The following USH2A variants were observed in gnomAD, a reference collection of about 807,000 sequenced individuals.
USH2A encodes the protein Usher syndrome 2A (autosomal recessive, mild).
In USH2A, 443 loss-of-function variants were observed where a neutral mutation model predicts 538.9. That is an observed-to-expected ratio of 0.82 (90% CI 0.76 to 0.89). The LOEUF (loss-of-function observed/expected upper bound fraction) is 0.89. Ranked by LOEUF, USH2A falls within the 40% of genes least tolerant of loss-of-function variation. The pLI, the probability that USH2A is intolerant of heterozygous loss-of-function variation, is 0.00. For missense variants in USH2A, 6,633 were observed against 6,324.8 expected, an observed-to-expected ratio of 1.05 and a Z score of -1.65; for synonymous variants, 2,413 against 2,273.5, an observed-to-expected ratio of 1.06 and a Z score of -1.75.
At chr1:216,134,697 G>T (rs2033446702) in intron 21 of USH2A, among the ~76,000 whole-genome samples, 1 of 152,090 alleles carries the variant, frequency 6.6e-6, no homozygotes, top group Non-Finnish European at 1.5e-5. Context: ...TTCAGTGTCA[G>T]CATTTAGGGC....
intron 9 of USH2A, among the ~76,000 whole-genome samples, chr1:216,313,254 G>T (rs948076323): frequency 6.6e-6 from 1 of 152,144 alleles, no homozygotes; most frequent in Non-Finnish European, 1.5e-5. Flanking sequence ...AGCTGCTCAC[G>T]TCCTACTATG....
chr1:216,033,198 ACT>A (rs1264914260), intron 32 of USH2A, among the ~76,000 whole-genome samples: 1 of 152,114 alleles, frequency 6.6e-6, no homozygotes, highest in Non-Finnish European at 1.5e-5. Context: ...GAAAAAGGAA[ACT>A]CTGTGGACCA....
chr1:216,193,057 A>C (rs1441542429), intron 19 of USH2A, among the ~76,000 whole-genome samples: 1 of 152,128 alleles, frequency 6.6e-6, no homozygotes, highest in Non-Finnish European at 1.5e-5. Context: ...TTTTATAAAT[A>C]ATATTTCTCA....
intron 3 of USH2A, among the ~76,000 whole-genome samples, chr1:216,407,613 C>T (rs2039417290): frequency 6.6e-6 from 1 of 152,078 alleles, no homozygotes; most frequent in African/African-American, 2.4e-5. Flanking sequence ...AATCTCCATT[C>T]CACTACTGAG....
rs893057896 is a variant in USH2A at position 215,648,473 on chromosome 1, A to G, written c.14582+55T>C. On this transcript the variant is annotated intron_variant, in intron 66 of 71. Coordinates refer to ENST00000307340, the MANE Select transcript of USH2A (RefSeq NM_206933.4). ...GCAGAGTAGGCTATACCATGAGTTC[A>G]TATGTCTGTACACATGCCTTGTTAG... The G allele has an allele frequency of 1.9e-5, 30 of 1,575,458 alleles. No individual in the cohort carries two copies. The African/African-American group carries it at 3.1e-4, about 16-fold the overall frequency.
At chr1:216,114,546 C>T (rs551106678) in intron 21 of USH2A, among the ~76,000 whole-genome samples, 151 of 152,144 alleles carry the variant, frequency 9.9e-4, no homozygotes, top group Non-Finnish European at 1.5e-3. Flanking sequence ...TTTATTCCTC[C>T]TCTTAGCATA....
chr1:215,766,861 C>T, intron 55 of USH2A, 73 bp from the exon 56 acceptor site: 1 of 1,371,798 alleles, frequency 7.3e-7, no homozygotes, highest in Non-Finnish European at 1.0e-6. Flanking sequence ...CCAGAAGTAA[C>T]ATGCAGAGTT....
chr1:216,071,940 T>C (rs1330575322), intron 29 of USH2A, among the ~76,000 whole-genome samples: 1 of 152,112 alleles, frequency 6.6e-6, no homozygotes, highest in Non-Finnish European at 1.5e-5. Context: ...TTCTGGAAAA[T>C]ATGTAGGTAG....
At chr1:216,189,519 T>TA (rs2034672610) in intron 20 of USH2A, among the ~76,000 whole-genome samples, 1 of 152,030 alleles carries the variant, frequency 6.6e-6, no homozygotes, top group South Asian at 2.1e-4. Flanking sequence ...TAAGTCTTAC[T>TA]AATACATGTA....
chr1:216,106,080 A>G (rs1273838162), intron 21 of USH2A, among the ~76,000 whole-genome samples: 1 of 150,168 alleles, frequency 6.7e-6, no homozygotes, highest in African/African-American at 2.4e-5. Context: ...GTATTGTTTT[A>G]GCAGTGGCTA....
At chr1:215,900,679 A>C in intron 39 of USH2A, 76 bp downstream of exon 39, 1 of 1,598,896 alleles carries the variant, frequency 6.3e-7, no homozygotes, top group Non-Finnish European at 8.6e-7. Flanking sequence ...GCAAATGAGA[A>C]CTGACCTACT....
At chr1:216,216,131 T>A (rs1434531251) in intron 15 of USH2A, among the ~76,000 whole-genome samples, 1 of 152,120 alleles carries the variant, frequency 6.6e-6, no homozygotes, top group East Asian at 1.9e-4. Context: ...AAGCAATCAA[T>A]TGTATTGCTA....
In USH2A at chr1:215,765,661, T is replaced by C. The variant is rs954032881; in HGVS notation, c.11047+1020A>G. Among the ~76,000 whole-genome samples the C allele has an allele frequency of 5.4e-5, 8 of 147,914 alleles. No individual in the cohort carries two copies. In the East Asian group the frequency reaches 1.6e-3, roughly 29 times the overall value. The stretch of plus-strand genomic sequence containing the variant: ...ACCAGCCATCCCACCTCTGAACACA[T>C]GGGTAACCATTGCTATCAGTTGGTG... On this transcript the variant is annotated intron_variant, in intron 56 of 71. Coordinates refer to ENST00000307340, the MANE Select transcript of USH2A (RefSeq NM_206933.4).
chr1:215,800,557 G>A (rs12037661), intron 49 of USH2A, among the ~76,000 whole-genome samples: 63,426 of 151,894 alleles, frequency 0.42, 14,219 homozygotes, highest in Admixed American at 0.55. Context: ...TTATAGTCCT[G>A]GACTTCTTCT....
rs371066008 is a variant in USH2A at position 215,647,675 on chromosome 1, G to C, written c.14638C>G (p.Pro4880Ala). The C allele has an allele frequency of 1.9e-6, 3 of 1,614,200 alleles. No homozygotes were observed. The highest frequency in any genetic ancestry group is 2.7e-5 in the African/African-American group (2 of 75,050). ...GTGTACTTTGTTTCTATTTGGCTGG[G>C]AGTACAGGGGAGGGCTGAGTCAGGA... ...CPPDSALPCT[P>A]SQIETKYTGL... Residue 4880 changes from proline to alanine, a missense_variant, in exon 67 of 72, where the codon CCC becomes GCC. Coordinates refer to ENST00000307340, the MANE Select transcript of USH2A (RefSeq NM_206933.4).
chr1:216,207,416 G>A lies in USH2A; in HGVS notation c.3173C>T (p.Pro1058Leu). 6.2e-7 allele frequency: 1 copy of A among 1,613,922 alleles called. No homozygotes were observed. Among genetic ancestry groups the A allele is most frequent in the Non-Finnish European group, 8.5e-7 (1 of 1,179,918 alleles). The change falls in exon 16 of 72, where the codon CCT (proline) becomes CTT (leucine). Residue 1058 changes from proline to leucine, a missense_variant. Coordinates refer to ENST00000307340, the MANE Select transcript of USH2A (RefSeq NM_206933.4). ...ACTTTGAACTTGTCCTCTGGGCGGA[G>A]GTTGCTGGAATGGAGCTAAATTACA... ...LGCSKTPFQQPPPRGQVQSSS... is the reference protein window; with the variant it reads ...LGCSKTPFQQLPPRGQVQSSS...
chr1:215,938,865 C>G (rs2102503744), intron 37 of USH2A, among the ~76,000 whole-genome samples: 1 of 152,218 alleles, frequency 6.6e-6, no homozygotes, highest in Admixed American at 6.5e-5. Flanking sequence ...ATCAAAATCA[C>G]TTGGGGTTAC....
At position 216,175,381 on chromosome 1, in the gene USH2A, A is replaced by C; in HGVS notation, c.4498T>G (p.Tyr1500Asp). The C allele has an allele frequency of 1.2e-6, 2 of 1,613,754 alleles. No homozygotes were observed. Among genetic ancestry groups the C allele is most frequent in the Non-Finnish European group, 1.7e-6 (2 of 1,179,842 alleles). Residue 1500 changes from tyrosine to aspartate, a missense_variant, in exon 21 of 72, where the codon TAT becomes GAT. Transcript: ENST00000307340. ...PEELNGPSPIYQLERRESSLP... is the reference protein window; with the variant it reads ...PEELNGPSPIDQLERRESSLP... Reference sequence around the variant, plus strand: ...GATGACTCTCTCCTTTCCAGCTGATATATAGGAGAGGGTCCATTCAGTTCT... The same window carrying C: ...GATGACTCTCTCCTTTCCAGCTGATCTATAGGAGAGGGTCCATTCAGTTCT...
chr1:216,027,384 C>G (rs1668994740), intron 32 of USH2A, among the ~76,000 whole-genome samples: 1 of 152,202 alleles, frequency 6.6e-6, no homozygotes, highest in African/African-American at 2.4e-5. Context: ...GGACTTCTAG[C>G]ACCCAGAACT....
Sources: allele counts gnomAD v4.1 joint callset (sites outside exome capture counted in the v4.1 genomes callset), GRCh38; gene constraint gnomAD v4.1.1; transcripts MANE v1.5; gene names NCBI Gene and HGNC (gene_info 2026-07-23, HGNC 2026-07-21).